The following PAPPA2 variants were observed in gnomAD, a reference collection of about 807,000 sequenced individuals.
PAPPA2 encodes the protein pappalysin-2.
A neutral mutation model predicts 176.4 loss-of-function variants in PAPPA2; 86 were observed. That is an observed-to-expected ratio of 0.49 (90% CI 0.41 to 0.58). PAPPA2 has a LOEUF of 0.58. Ranked by LOEUF, PAPPA2 falls within the 20% of genes least tolerant of loss-of-function variation. PAPPA2 has a pLI of 0.00. For synonymous variants in PAPPA2, 809 were observed against 852.2 expected (o/e 0.95, Z 0.88); for missense variants, 2,073 against 2,256.9 (o/e 0.92, Z 1.65).
chr1:176,492,089 C>G (rs1237488912), intron 1 of PAPPA2, among the ~76,000 whole-genome samples: 2 of 152,154 alleles, frequency 1.3e-5, no homozygotes, highest in Non-Finnish European at 2.9e-5. Flanking sequence ...TTGGAAACAG[C>G]AAGATGTGAG....
intron 10 of PAPPA2, among the ~76,000 whole-genome samples, chr1:176,708,278 A>G (rs1419819081): frequency 1.3e-5 from 2 of 152,134 alleles, no homozygotes; most frequent in African/African-American, 2.4e-5. Flanking sequence ...GGTTAAAATG[A>G]TATATTCCAA....
At chr1:176,614,262 A>G (rs1655088459) in intron 3 of PAPPA2, among the ~76,000 whole-genome samples, 1 of 152,176 alleles carries the variant, frequency 6.6e-6, no homozygotes, top group South Asian at 2.1e-4. Context: ...AGCCTTTACT[A>G]AGTGTCAAAT....
chr1:176,678,182 A>G (rs1659400741), intron 4 of PAPPA2, among the ~76,000 whole-genome samples: 1 of 152,168 alleles, frequency 6.6e-6, no homozygotes, highest in African/African-American at 2.4e-5. Context: ...GTGCTCTTCA[A>G]AATTACTTTT....
At chr1:176,753,685 C>A (rs1387439903) in intron 14 of PAPPA2, among the ~76,000 whole-genome samples, 1 of 148,846 alleles carries the variant, frequency 6.7e-6, no homozygotes, top group African/African-American at 2.5e-5. Flanking sequence ...AATGTTCTCT[C>A]TTGCTGCTGG....
intron 21 of PAPPA2, among the ~76,000 whole-genome samples, chr1:176,807,193 T>G (rs1665942150): frequency 6.6e-6 from 1 of 152,216 alleles, no homozygotes. Flanking sequence ...CTGAATCACT[T>G]CTGTTACTCA....
chr1:176,623,306 A>G (rs972717659), intron 3 of PAPPA2, among the ~76,000 whole-genome samples: 1 of 152,138 alleles, frequency 6.6e-6, no homozygotes, highest in East Asian at 1.9e-4. Flanking sequence ...AGATAAGTCA[A>G]TGTATCTTTA....
At chr1:176,643,676 C>A (rs1444944419) in intron 3 of PAPPA2, among the ~76,000 whole-genome samples, 2 of 151,686 alleles carry the variant, frequency 1.3e-5, no homozygotes, top group African/African-American at 2.4e-5. Flanking sequence ...AAAGGGAAAT[C>A]CAGCTGGAAT....
intron 1 of PAPPA2, among the ~76,000 whole-genome samples, chr1:176,485,227 C>G (rs1652592674): frequency 6.6e-6 from 1 of 152,152 alleles, no homozygotes; most frequent in African/African-American, 2.4e-5. Context: ...CTGCTTAAAG[C>G]CCTCCAGTGA....
At chr1:176,504,873 A>T (rs1374290738) in intron 1 of PAPPA2, among the ~76,000 whole-genome samples, 1 of 152,092 alleles carries the variant, frequency 6.6e-6, no homozygotes, top group Admixed American at 6.6e-5. Flanking sequence ...CAGATGGATG[A>T]TGAAATGAAG....
intron 1 of PAPPA2, among the ~76,000 whole-genome samples, chr1:176,487,167 G>A (rs775336615): frequency 6.6e-6 from 1 of 150,484 alleles, no homozygotes; most frequent in Non-Finnish European, 1.5e-5. Context: ...TTAAGAATCA[G>A]CAAAATAAGC....
intron 12 of PAPPA2, among the ~76,000 whole-genome samples, chr1:176,731,758 C>T (rs189404406): frequency 6.1e-4 from 91 of 149,712 alleles, no homozygotes; most frequent in Middle Eastern, 7.1e-3. Flanking sequence ...TATATATACG[C>T]ATACACATTG....
In PAPPA2 at chr1:176,668,376, T is replaced by C. The variant is rs554760640; in HGVS notation, c.1992-2594T>C. Among the ~76,000 whole-genome samples the C allele has an allele frequency of 3.3e-5, 5 of 152,318 alleles. No homozygotes were observed. In the South Asian group the frequency reaches 1.0e-3, roughly 32 times the overall value. On this transcript the variant is annotated intron_variant, in intron 3 of 22. Coordinates refer to ENST00000367662, the MANE Select transcript of PAPPA2 (RefSeq NM_020318.3). ...AAGTTCTGGTCAATGCATGCCCCTTTTGCGTTTCACTGCATTTATGTATGG... is the reference window on the plus strand; with the variant it reads ...AAGTTCTGGTCAATGCATGCCCCTTCTGCGTTTCACTGCATTTATGTATGG...
In PAPPA2 at chr1:176,555,825, A is replaced by C. The variant is rs1651243698; in HGVS notation, c.-498A>C. On this transcript the variant is annotated 5_prime_UTR_variant, in exon 2 of 23. Transcript: ENST00000367662. Reference sequence around the variant, plus strand: ...TCCTAGGGAAGGAAGAAGAGAAAGAAATGAAAATTAGAGAATAAGATTATT... The same window carrying C: ...TCCTAGGGAAGGAAGAAGAGAAAGACATGAAAATTAGAGAATAAGATTATT... The C allele has an allele frequency of 6.5e-6, 1 of 153,230 alleles. No individual in the cohort carries two copies. The highest frequency in any genetic ancestry group is 1.5e-5 in the Non-Finnish European group (1 of 68,826). 9.5% of individuals were successfully genotyped at this position (153,230 alleles called of 1,614,324 possible). A position where few individuals can be genotyped will look rare whatever the true frequency, so the allele number is the denominator to read the frequency against.
intron 3 of PAPPA2, among the ~76,000 whole-genome samples, chr1:176,606,576 T>C (rs1654623773): frequency 6.6e-6 from 1 of 152,190 alleles, no homozygotes; most frequent in Admixed American, 6.5e-5. Context: ...GTGATTCTTC[T>C]GCCTCAGCCT....
intron 3 of PAPPA2, among the ~76,000 whole-genome samples, chr1:176,658,116 C>A (rs1658129146): frequency 6.6e-6 from 1 of 152,016 alleles, no homozygotes; most frequent in South Asian, 2.1e-4. Context: ...TATGTAGGTA[C>A]ATATGTATAT....
intron 14 of PAPPA2, among the ~76,000 whole-genome samples, chr1:176,751,080 C>G (rs970293095): frequency 1.3e-5 from 2 of 151,842 alleles, no homozygotes; most frequent in Non-Finnish European, 2.9e-5. Flanking sequence ...TTTCCCAGCA[C>G]CATTTGTTAA....
chr1:176,816,164 A>G (rs1289735351), intron 21 of PAPPA2, among the ~76,000 whole-genome samples: 5 of 108,318 alleles, frequency 4.6e-5, no homozygotes, highest in African/African-American at 1.6e-4. Flanking sequence ...ATATATATAT[A>G]TATATATATA....
chr1:176,837,479 A>C (rs999449798), intron 21 of PAPPA2, among the ~76,000 whole-genome samples: 4 of 20,886 alleles, frequency 1.9e-4, no homozygotes, highest in Non-Finnish European at 3.5e-4. Context: ...GTTAAAAGGC[A>C]AAAAAAAAAA....
intron 14 of PAPPA2, among the ~76,000 whole-genome samples, chr1:176,759,094 AG>A (rs1663572627): frequency 6.6e-6 from 1 of 152,254 alleles, no homozygotes; most frequent in South Asian, 2.1e-4. Context: ...AGTGTAGTAC[AG>A]ATGCCAGTTT....
Sources: allele counts gnomAD v4.1 joint callset (sites outside exome capture counted in the v4.1 genomes callset), GRCh38; gene constraint gnomAD v4.1.1; transcripts MANE v1.5; gene names NCBI Gene and HGNC (gene_info 2026-07-23, HGNC 2026-07-21).